Variants in AGBL4 observed in about 807,000 individuals in gnomAD.
AGBL4 encodes cytosolic carboxypeptidase 6.
In AGBL4, 58 loss-of-function variants were observed where a neutral mutation model predicts 66.4. The ratio of observed to expected loss-of-function variants is 0.87; its 90% confidence interval spans 0.71 to 1.09. AGBL4 has a LOEUF of 1.09. AGBL4 is among the 50% of genes least tolerant of loss of function. AGBL4 has a pLI of 0.00. For missense variants in AGBL4, 579 were observed against 631.0 expected (o/e 0.92, Z 0.88); for synonymous variants, 234 against 222.9 (o/e 1.05, Z -0.44).
chr1:49,831,254 C>A (rs1474294710), intron 2 of AGBL4, among the ~76,000 whole-genome samples: 1 of 152,058 alleles, frequency 6.6e-6, no homozygotes, highest in Non-Finnish European at 1.5e-5. Context: ...GGAATGTCTT[C>A]CCATTCGTTT....
intron 4 of AGBL4, among the ~76,000 whole-genome samples, chr1:49,098,339 T>C (rs1645143770): frequency 6.6e-6 from 1 of 152,214 alleles, no homozygotes; most frequent in African/African-American, 2.4e-5. Flanking sequence ...TGTAGTTATG[T>C]CCCAGCCCTT....
chr1:49,691,867 G>A (rs929783779), intron 3 of AGBL4, among the ~76,000 whole-genome samples: 2 of 152,102 alleles, frequency 1.3e-5, no homozygotes, highest in Non-Finnish European at 2.9e-5. Flanking sequence ...TCATGCCCTC[G>A]AACATCGGAC....
chr1:48,752,892 G>A (rs1034386208), intron 6 of AGBL4, among the ~76,000 whole-genome samples: 4 of 152,120 alleles, frequency 2.6e-5, no homozygotes, highest in African/African-American at 9.7e-5. Context: ...TGGGACTACA[G>A]GCACGCGCCC....
intron 6 of AGBL4, among the ~76,000 whole-genome samples, chr1:48,692,012 A>G (rs1341884896): frequency 2.0e-5 from 3 of 152,204 alleles, no homozygotes; most frequent in South Asian, 4.1e-4. Flanking sequence ...AACCCTTGTC[A>G]TATCAGAATC....
rs570206922 is a variant in AGBL4 at position 49,261,690 on chromosome 1, C to A, written c.283-15826G>T. ...CAAACAAATGGAAGAACATTCCATG[C>A]TCATGGGTAGGAAGAATCAATATCG... On this transcript the variant is annotated intron_variant, in intron 3 of 13. Transcript: ENST00000371839. 7.9e-4 allele frequency among the ~76,000 whole-genome samples: 120 copies of A among 151,620 alleles called. No homozygotes were observed. In the East Asian group the frequency reaches 0.018, roughly 22 times the overall value.
At chr1:49,371,139 C>T (rs1644331403) in intron 3 of AGBL4, among the ~76,000 whole-genome samples, 1 of 152,146 alleles carries the variant, frequency 6.6e-6, no homozygotes, top group Non-Finnish European at 1.5e-5. Context: ...ACACCATTGG[C>T]TCTCCAGACT....
Position 49,693,409 on chromosome 1 carries a change from T to C in AGBL4, c.282+3904A>G, listed in dbSNP as rs558687562. 4.6e-5 allele frequency among the ~76,000 whole-genome samples: 7 copies of C among 152,282 alleles called. No homozygotes were observed. In the South Asian group the frequency reaches 1.4e-3, roughly 32 times the overall value. ...AGAATAAAGAGCTATTAATATTTTATAGCCATATTTATCAAACTTTTGATA... is the reference window on the plus strand; with the variant it reads ...AGAATAAAGAGCTATTAATATTTTACAGCCATATTTATCAAACTTTTGATA... On this transcript the variant is annotated intron_variant, in intron 3 of 13. Coordinates refer to ENST00000371839, the MANE Select transcript of AGBL4 (RefSeq NM_032785.4).
At chr1:49,251,917 G>A (rs1652100247) in intron 3 of AGBL4, among the ~76,000 whole-genome samples, 1 of 152,058 alleles carries the variant, frequency 6.6e-6, no homozygotes, top group Admixed American at 6.5e-5. Context: ...AAAATCCAAA[G>A]GTCAACAACC....
intron 5 of AGBL4, among the ~76,000 whole-genome samples, chr1:48,909,821 C>T (rs1280567769): frequency 6.6e-6 from 1 of 152,178 alleles, no homozygotes; most frequent in Non-Finnish European, 1.5e-5. Context: ...GAATTGAAAG[C>T]ATATATAGAA....
chr1:49,781,898 CA>C (rs1204546562), intron 2 of AGBL4, among the ~76,000 whole-genome samples: 1 of 151,620 alleles, frequency 6.6e-6, no homozygotes. Flanking sequence ...ATTAATGGGT[CA>C]AAAAAGAGAT....
intron 3 of AGBL4, among the ~76,000 whole-genome samples, chr1:49,537,772 A>C (rs1015927249): frequency 3.3e-5 from 5 of 152,170 alleles, no homozygotes; most frequent in African/African-American, 1.2e-4. Context: ...AAAAAAATAC[A>C]AAACATTAGC....
chr1:49,308,742 G>A (rs1386023788), intron 3 of AGBL4, among the ~76,000 whole-genome samples: 1 of 152,144 alleles, frequency 6.6e-6, no homozygotes, highest in Non-Finnish European at 1.5e-5. Context: ...AAAAGGCAGG[G>A]TGGAAGGAAT....
At chr1:49,310,779 T>C (rs756863493) in intron 3 of AGBL4, among the ~76,000 whole-genome samples, 1 of 152,020 alleles carries the variant, frequency 6.6e-6, no homozygotes, top group Non-Finnish European at 1.5e-5. Context: ...TACTGAACAC[T>C]TTCTATGTGT....
chr1:48,578,874 G>T (rs1484691303), intron 11 of AGBL4, among the ~76,000 whole-genome samples: 1 of 152,042 alleles, frequency 6.6e-6, no homozygotes, highest in African/African-American at 2.4e-5. Context: ...AGGGGCAAAA[G>T]GTCATACTGG....
rs945358662 is a variant in AGBL4 at position 49,937,048 on chromosome 1, T to C, written c.35-85530A>G. Among the ~76,000 whole-genome samples, 35 of 152,282 alleles carry C rather than the reference T, an allele frequency of 2.3e-4. 1 individual carries two copies. Among genetic ancestry groups the C allele is most frequent in the African/African-American group, 3.4e-4 (14 of 41,558 alleles). On this transcript the variant is annotated intron_variant, in intron 1 of 13. Transcript: ENST00000371839. ...CAATTAAAAGACACAGACTGGCAAA[T>C]TGAATAAAGAGTCAAGACCCATCAG...
intron 2 of AGBL4, among the ~76,000 whole-genome samples, chr1:49,815,780 C>A (rs1645216487): frequency 6.6e-6 from 1 of 152,060 alleles, no homozygotes; most frequent in South Asian, 2.1e-4. Context: ...TATTGAATAC[C>A]TTTTCATATG....
chr1:48,523,176 T>C, the AGBL4 span, among the ~76,000 whole-genome samples: 1 of 152,154 alleles, frequency 6.6e-6, no homozygotes, highest in Non-Finnish European at 1.5e-5. Flanking sequence ...GTTATATAAA[T>C]GCTGGGAACA....
intron 3 of AGBL4, among the ~76,000 whole-genome samples, chr1:49,506,061 T>G (rs1250372885): frequency 2.0e-5 from 3 of 152,052 alleles, no homozygotes; most frequent in Non-Finnish European, 4.4e-5. Context: ...TATCTAAAAA[T>G]TGGGATAATA....
chr1:49,580,016 G>C (rs567169370), intron 3 of AGBL4, among the ~76,000 whole-genome samples: 16 of 152,114 alleles, frequency 1.1e-4, no homozygotes, highest in African/African-American at 3.9e-4. Flanking sequence ...ATGTAGCTAG[G>C]GTTGTTATAT....
Sources: allele counts gnomAD v4.1 joint callset (sites outside exome capture counted in the v4.1 genomes callset), GRCh38; gene constraint gnomAD v4.1.1; transcripts MANE v1.5; gene names NCBI Gene and HGNC (gene_info 2026-07-23, HGNC 2026-07-21).